TMOD2: variants seen among roughly 807,000 people sequenced by gnomAD.
TMOD2 encodes the protein tropomodulin-2.
In TMOD2, 22 loss-of-function variants were observed where a neutral mutation model predicts 39.9. That is an observed-to-expected ratio of 0.55 (90% CI 0.39 to 0.79). The LOEUF is 0.79. Ranked by LOEUF, TMOD2 falls within the 30% of genes least tolerant of loss-of-function variation. The pLI, the probability that TMOD2 is intolerant of heterozygous loss-of-function variation, is 0.00. For synonymous variants in TMOD2, 123 were observed against 146.1 expected (o/e 0.84, Z 1.14); for missense variants, 386 against 413.3 (o/e 0.93, Z 0.57).
chr15:51,762,314 C>G (rs1732310181), intron 1 of TMOD2, among the ~76,000 whole-genome samples: 1 of 151,834 alleles, frequency 6.6e-6, no homozygotes, highest in South Asian at 2.1e-4. Context: ...AAAAAAATAG[C>G]CCGGCATGGT....
chr15:51,774,395 C>G (rs898452216), intron 4 of TMOD2, among the ~76,000 whole-genome samples: 2 of 152,208 alleles, frequency 1.3e-5, no homozygotes, highest in Non-Finnish European at 2.9e-5. Flanking sequence ...ATGTCTTGTA[C>G]AGCCTTCAAG....
rs1355386568 is a variant in TMOD2, at chr15:51,809,353, T to G, written c.*899T>G. On this transcript the variant is annotated 3_prime_UTR_variant, in exon 10 of 10. Transcript: ENST00000249700. ...GCAGATGATTGCATTTTTTGGCAAATTTTAGAAGCATTTATTGCTTTGTCT... is the reference window on the plus strand; with the variant it reads ...GCAGATGATTGCATTTTTTGGCAAAGTTTAGAAGCATTTATTGCTTTGTCT... The G allele has an allele frequency of 6.6e-6, 1 of 152,652 alleles. No homozygotes were observed. The highest frequency in any genetic ancestry group is 1.5e-5 in the Non-Finnish European group (1 of 68,050). 9.5% of individuals were successfully genotyped at this position (152,652 alleles called of 1,614,324 possible).
intron 9 of TMOD2, among the ~76,000 whole-genome samples, chr15:51,806,964 T>C (rs182833845): frequency 6.6e-6 from 1 of 152,340 alleles, no homozygotes; most frequent in African/African-American, 2.4e-5. Flanking sequence ...TGGAGCTACA[T>C]TATGAAGTTT....
chr15:51,754,060 C>CG (rs749433359), intron 1 of TMOD2, among the ~76,000 whole-genome samples: 4 of 150,766 alleles, frequency 2.7e-5, no homozygotes, highest in Non-Finnish European at 4.4e-5. Context: ...GTGGGGGGGA[C>CG]GGGGGGTTGG....
At chr15:51,765,330 C>T (rs553316684) in intron 1 of TMOD2, among the ~76,000 whole-genome samples, 8 of 152,306 alleles carry the variant, frequency 5.3e-5, no homozygotes, top group South Asian at 2.1e-4. Flanking sequence ...CTACTTTATA[C>T]GTTACGTCTA....
chr15:51,765,678 G>A (rs943288302), intron 1 of TMOD2, among the ~76,000 whole-genome samples: 1 of 152,116 alleles, frequency 6.6e-6, no homozygotes, highest in African/African-American at 2.4e-5. Flanking sequence ...AATAAGGGTC[G>A]AGAGAAGAAC....
rs115077896 is a variant in TMOD2 at position 51,807,421 on chromosome 15, G to A, written c.1021+900G>A. On this transcript the variant is annotated intron_variant, in intron 9 of 9. Transcript: ENST00000249700. ...ACAGGCTTTGCCAAGACCCTGAGGC[G>A]TAGGAAAGGTGCAGTGTGTGGCATC... is the stretch of plus-strand genomic sequence containing the variant. 4.4e-3 allele frequency among the ~76,000 whole-genome samples: 668 copies of A among 152,306 alleles called. 8 individuals carry two copies. Among genetic ancestry groups the A allele is most frequent in the African/African-American group, 0.015 (623 of 41,558 alleles).
At chr15:51,768,892 C>T (rs1028412124) in intron 3 of TMOD2, among the ~76,000 whole-genome samples, 4 of 152,216 alleles carry the variant, frequency 2.6e-5, no homozygotes, top group East Asian at 1.9e-4. Context: ...GAACTGGAGT[C>T]GGTGTTAAAA....
At chr15:51,752,237 C>G (rs868379916) in intron 1 of TMOD2, among the ~76,000 whole-genome samples, 9 of 152,098 alleles carry the variant, frequency 5.9e-5, no homozygotes, top group African/African-American at 2.2e-4. Context: ...TAAGCGGCCT[C>G]GTGCGGATCC....
chr15:51,777,285 G>T (rs1005596000), intron 5 of TMOD2, among the ~76,000 whole-genome samples: 3 of 152,160 alleles, frequency 2.0e-5, no homozygotes, highest in African/African-American at 7.2e-5. Flanking sequence ...ATATGGGTCT[G>T]CATTAAATGG....
At chr15:51,775,569 C>CT (rs1567238913) in intron 4 of TMOD2, among the ~76,000 whole-genome samples, 3 of 130,104 alleles carry the variant, frequency 2.3e-5, no homozygotes, top group Admixed American at 8.7e-5. Context: ...AATTCTTTTT[C>CT]CTTTTTTTTT....
chr15:51,753,242 A>G (rs1421741907), intron 1 of TMOD2, among the ~76,000 whole-genome samples: 2 of 152,242 alleles, frequency 1.3e-5, no homozygotes, highest in Non-Finnish European at 2.9e-5. Flanking sequence ...CCTTTGAGTG[A>G]AAGGTGGTTG....
In TMOD2 at chr15:51,757,102, A is replaced by G. The variant is rs149319214; in HGVS notation, c.-70+5390A>G. ...TAAAATTATGAAATATTGAAGACATATTAAAAAGAATAAAGAGGGCTGAGC... is the reference window on the plus strand; with the variant it reads ...TAAAATTATGAAATATTGAAGACATGTTAAAAAGAATAAAGAGGGCTGAGC... On this transcript the variant is annotated intron_variant, in intron 1 of 9. Coordinates refer to ENST00000249700, the MANE Select transcript of TMOD2 (RefSeq NM_014548.4). Among the ~76,000 whole-genome samples the G allele has an allele frequency of 7.4e-4, 112 of 152,302 alleles. 4 individuals carry two copies. In the East Asian group the frequency reaches 0.02, roughly 28 times the overall value.
intron 1 of TMOD2, among the ~76,000 whole-genome samples, chr15:51,763,977 A>C (rs1034531454): frequency 1.6e-4 from 24 of 152,278 alleles, no homozygotes; most frequent in African/African-American, 5.3e-4. Flanking sequence ...TGATGCAGTA[A>C]GTTAGTGGTA....
rs1035411421 is a variant in TMOD2, at chr15:51,810,761, T to G, written c.*2307T>G. On this transcript the variant is annotated 3_prime_UTR_variant, in exon 10 of 10. Transcript: ENST00000249700. The stretch of plus-strand genomic sequence containing the variant: ...AGTAAGCCTTTTTCCTTTTTTTTTT[T>G]TTTTTTCTTACTCTCATTCTTGCCT... 18 of 151,774 alleles carry G rather than the reference T, an allele frequency of 1.2e-4. 1 individual carries two copies. Among genetic ancestry groups the G allele is most frequent in the African/African-American group, 3.9e-4 (16 of 41,408 alleles). The allele number at this position is 151,774 out of a possible 1,614,324, so 9.4% of individuals were successfully genotyped here.
intron 7 of TMOD2, among the ~76,000 whole-genome samples, chr15:51,793,767 C>A (rs1306706704): frequency 1.3e-5 from 2 of 152,232 alleles, no homozygotes; most frequent in Non-Finnish European, 2.9e-5. Context: ...ATCCTGGCAA[C>A]TCGCCAGGAG....
Position 51,815,465 on chromosome 15 carries a change from G to A in TMOD2, c.*7011G>A, listed in dbSNP as rs1269787461. The A allele has an allele frequency of 1.3e-5, 2 of 152,124 alleles. No homozygotes were observed. Among genetic ancestry groups the A allele is most frequent in the Non-Finnish European group, 2.9e-5 (2 of 68,040 alleles). 9.4% of individuals were successfully genotyped at this position (152,124 alleles called of 1,614,324 possible). Reference sequence around the variant, plus strand: ...GAGAAGTCAATCAAAAGTATACTGTGCAATTGAGAGAGGCTGGCCCAAGAT... The same window carrying A: ...GAGAAGTCAATCAAAAGTATACTGTACAATTGAGAGAGGCTGGCCCAAGAT... On this transcript the variant is annotated 3_prime_UTR_variant, in exon 10 of 10. Coordinates refer to ENST00000249700, the MANE Select transcript of TMOD2 (RefSeq NM_014548.4).
chr15:51,811,153 CA>C lies in TMOD2; in HGVS notation c.*2700del, dbSNP rs2056154384. ...TGATGATAACCCTTAGAAAAACATA[CA>C]CTTGAGGAGCCTATCCATCATTTAA... On this transcript the variant is annotated 3_prime_UTR_variant, in exon 10 of 10. Coordinates refer to ENST00000249700, the MANE Select transcript of TMOD2 (RefSeq NM_014548.4). 1 of 152,122 alleles carries C rather than the reference CA, an allele frequency of 6.6e-6. No homozygotes were observed. Among genetic ancestry groups the C allele is most frequent in the African/African-American group, 2.4e-5 (1 of 41,436 alleles). The allele number at this position is 152,122 out of a possible 1,614,324, so 9.4% of individuals were successfully genotyped here.
intron 7 of TMOD2, among the ~76,000 whole-genome samples, chr15:51,785,187 T>C (rs1031090561): frequency 1.3e-5 from 2 of 149,032 alleles, no homozygotes; most frequent in South Asian, 2.1e-4. Flanking sequence ...CCGAGGCGGG[T>C]GGATCATGAG....
Sources: gnomAD v4.1 joint callset for allele counts (sites outside exome capture counted in the v4.1 genomes callset) on GRCh38, gnomAD v4.1.1 for gene constraint, MANE v1.5 for transcripts, NCBI Gene and HGNC (gene_info 2026-07-23, HGNC 2026-07-21) for gene names.